The following SHROOM2 variants were observed in gnomAD, a reference collection of about 807,000 sequenced individuals.
SHROOM2 encodes protein Shroom2.
SHROOM2 carries 33 observed loss-of-function variants against 75.9 expected under a neutral mutation model. That is an observed-to-expected ratio of 0.43 (90% confidence interval 0.33 to 0.58). The LOEUF is 0.58. Among genes scored for constraint, SHROOM2 ranks in the 20% least tolerant of loss-of-function variants. The pLI is 0.04. For synonymous variants in SHROOM2, 655 were observed against 663.6 expected, an observed-to-expected ratio of 0.99 and a Z score of 0.20; for missense variants, 1,434 against 1,461.2, an observed-to-expected ratio of 0.98 and a Z score of 0.30.
chrX:9,923,950 C>T (rs1340518909), intron 5 of SHROOM2, among the ~76,000 whole-genome samples: 3 of 112,359 alleles, frequency 2.7e-5, no homozygotes, highest in African/African-American at 9.7e-5. Context: ...CATCCAAGTC[C>T]CTGCAAGCAC....
intron 1 of SHROOM2, among the ~76,000 whole-genome samples, chrX:9,866,272 C>G (rs2084137937): frequency 9.2e-6 from 1 of 108,196 alleles, no homozygotes; most frequent in Admixed American, 1.0e-4. Flanking sequence ...CTGAAGACGC[C>G]GAGCTCAATA....
At chrX:9,918,874 A>T (rs753398903) in intron 5 of SHROOM2, among the ~76,000 whole-genome samples, 1 of 111,838 alleles carries the variant, frequency 8.9e-6, no homozygotes, top group South Asian at 3.8e-4. Context: ...CCACCTCTTC[A>T]TCCTATCCCA....
chrX:9,920,477 A>G (rs1277135579), intron 5 of SHROOM2, among the ~76,000 whole-genome samples: 1 of 112,357 alleles, frequency 8.9e-6, no homozygotes, highest in Non-Finnish European at 1.9e-5. Context: ...CCCAGACCTT[A>G]GTAGCTTTAA....
intron 6 of SHROOM2, among the ~76,000 whole-genome samples, chrX:9,934,908 G>C (rs2084685726): frequency 9.0e-6 from 1 of 110,864 alleles, no homozygotes; most frequent in African/African-American, 3.3e-5. Flanking sequence ...GAGTAGCTGG[G>C]ATTACAGGCA....
chrX:9,854,888 C>T (rs1453245435), intron 1 of SHROOM2, among the ~76,000 whole-genome samples: 1 of 110,943 alleles, frequency 9.0e-6, no homozygotes, highest in Admixed American at 9.7e-5. Context: ...AAACGGCACA[C>T]GTAATCTTAG....
At chrX:9,912,602 G>A (rs1335967575) in intron 5 of SHROOM2, 4 of 111,736 alleles carry the variant, frequency 3.6e-5, no homozygotes, top group Non-Finnish European at 7.5e-5. Flanking sequence ...GCAGAGCCGG[G>A]TAAGGGACCT....
At position 9,896,253 on chromosome X, in the gene SHROOM2, A is replaced by G. The variant is rs200879529; in HGVS notation, c.2345A>G (p.Gln782Arg). ...CTCACGAGGGGCTACAGTCCTCACC[A>G]GCACCCCAGGACATCTGAGGATACT... ...VGLTRGYSPH[Q>R]HPRTSEDTVG... The change falls in exon 4 of 10, where the codon CAG (glutamine) becomes CGG (arginine). Residue 782 changes from glutamine to arginine, a missense_variant. Gln to Arg is a conservative substitution (Grantham distance 43, BLOSUM62 1). Around this residue, in one of 3 missense-constraint regions of SHROOM2, gnomAD observed 1,340 missense variants for 1,338.3 expected, o/e 1.00. Coordinates refer to ENST00000380913, the MANE Select transcript of SHROOM2 (RefSeq NM_001649.4). 2 of 1,211,194 alleles carry G rather than the reference A, an allele frequency of 1.7e-6. No individual in the cohort carries two copies. Among genetic ancestry groups the G allele is most frequent in the African/African-American group, 1.7e-5 (1 of 57,692 alleles).
Position 9,896,436 on chromosome X carries a change from C to T in SHROOM2, c.2528C>T (p.Ser843Leu), listed in dbSNP as rs760581631. 9 of 1,210,744 alleles carry T rather than the reference C, an allele frequency of 7.4e-6. No homozygotes were observed. In the Admixed American group the frequency reaches 8.7e-5, roughly 12 times the overall value. Residue 843 changes from serine (S) to leucine (L), a missense_variant, in exon 4 of 10, where the codon TCG becomes TTG. Around this residue, in one of 3 missense-constraint regions of SHROOM2, gnomAD observed 1,340 missense variants for 1,338.3 expected, o/e 1.00. Coordinates refer to ENST00000380913, the MANE Select transcript of SHROOM2 (RefSeq NM_001649.4). ...ACATGTGAGGGCACGGAGCCCTGGT[C>T]GCGCACCACCTCCCTTGGGGACAGC... ...GRTCEGTEPW[S>L]RTTSLGDSLN... is the part of the protein sequence containing the mutation.
intron 5 of SHROOM2, among the ~76,000 whole-genome samples, chrX:9,920,679 G>A (rs1228755981): frequency 2.7e-5 from 3 of 111,923 alleles, no homozygotes; most frequent in African/African-American, 9.7e-5. Flanking sequence ...TATGCTATAA[G>A]CAATTGTTGG....
chrX:9,926,710 G>C (rs939560792), intron 5 of SHROOM2, among the ~76,000 whole-genome samples: 6 of 111,442 alleles, frequency 5.4e-5, no homozygotes, highest in Admixed American at 9.6e-5. Context: ...GCTTTATGAT[G>C]GTTCGGTGGA....
chrX:9,812,227 A>G (rs1442577491), intron 1 of SHROOM2, among the ~76,000 whole-genome samples: 1 of 111,829 alleles, frequency 8.9e-6, no homozygotes, highest in Non-Finnish European at 1.9e-5. Flanking sequence ...AAAGGCTCCA[A>G]ACAGCATCCT....
chrX:9,848,037 A>G (rs1274524786), intron 1 of SHROOM2, among the ~76,000 whole-genome samples: 1 of 111,900 alleles, frequency 8.9e-6, no homozygotes, highest in Non-Finnish European at 1.9e-5. Context: ...TCAGCAGGTC[A>G]ATACTCCCCA....
intron 1 of SHROOM2, among the ~76,000 whole-genome samples, chrX:9,789,282 C>T (rs1202466707): frequency 5.4e-5 from 6 of 111,483 alleles, no homozygotes; most frequent in Non-Finnish European, 1.1e-4. Context: ...TAAAGGGATA[C>T]CAACTTCAGA....
At chrX:9,917,321 G>T (rs1038754958) in intron 5 of SHROOM2, among the ~76,000 whole-genome samples, 1 of 111,652 alleles carries the variant, frequency 9.0e-6, no homozygotes, top group African/African-American at 3.3e-5. Flanking sequence ...CTCTCACTGT[G>T]ATGTTTTTAT....
In SHROOM2 at chrX:9,896,605, T is replaced by C. The variant is rs764778568; in HGVS notation, c.2697T>C (p.Asp899=). The C allele has an allele frequency of 8.3e-7, 1 of 1,210,037 alleles. No individual in the cohort carries two copies. The highest frequency in any genetic ancestry group is 3.0e-5 in the East Asian group (1 of 33,789). ...GCTCTGGGCGCTGCCACTCAGCGGA[T>C]GACATCCTGGATGTGAGCCTGGACC... is the stretch of plus-strand genomic sequence containing the variant. The part of the protein sequence containing the change: ...ARSSGRCHSA[D]DILDVSLDPQ... The change falls in exon 4 of 10, where the codon GAT becomes GAC. Residue 899 remains aspartate, a synonymous_variant. Transcript: ENST00000380913.
chrX:9,945,040 G>A, intron 9 of SHROOM2, 127 bp downstream of exon 9: 4 of 651,288 alleles, frequency 6.1e-6, no homozygotes, highest in Non-Finnish European at 9.2e-6. Context: ...ACCTCCTCCT[G>A]CAGACCTTGT....
At chrX:9,934,078 G>A (rs199523031) in intron 6 of SHROOM2, among the ~76,000 whole-genome samples, 13 of 111,718 alleles carry the variant, frequency 1.2e-4, no homozygotes, top group South Asian at 3.8e-4. Flanking sequence ...TTGTCCGACC[G>A]CAGATGCCAG....
chrX:9,801,847 T>A (rs1018256549), intron 1 of SHROOM2, among the ~76,000 whole-genome samples: 2 of 110,219 alleles, frequency 1.8e-5, no homozygotes, highest in Non-Finnish European at 3.8e-5. Context: ...TCCAAGCTGC[T>A]TGAGAGGCTG....
intron 2 of SHROOM2, among the ~76,000 whole-genome samples, chrX:9,879,257 T>A (rs1007165551): frequency 8.1e-5 from 9 of 111,042 alleles, no homozygotes; most frequent in African/African-American, 1.6e-4. Context: ...TATTTTTTTT[T>A]ATTTAATTTT....
Sources: allele counts gnomAD v4.1 joint callset (sites outside exome capture counted in the v4.1 genomes callset), GRCh38; gene constraint gnomAD v4.1.1; regional missense constraint gnomAD v4.1.1; transcripts MANE v1.5; gene names NCBI Gene and HGNC (gene_info 2026-07-23, HGNC 2026-07-21).